The following RNF144A variants were observed in gnomAD, a reference collection of about 807,000 sequenced individuals.
The protein encoded by RNF144A is ring finger protein 144A, also known as E3 ubiquitin-protein ligase RNF144A.
A neutral mutation model predicts 38.7 loss-of-function variants in RNF144A; 11 were observed. The ratio of observed to expected loss-of-function variants is 0.28; its 90% CI spans 0.18 to 0.47. RNF144A has a LOEUF of 0.47. RNF144A is among the 20% of genes least tolerant of loss of function. RNF144A has a pLI of 0.99. For synonymous variants in RNF144A, 149 were observed against 143.9 expected, an observed-to-expected ratio of 1.04 and a Z score of -0.25; for missense variants, 316 against 377.2, an observed-to-expected ratio of 0.84 and a Z score of 1.34.
At chr2:6,925,045 G>A (rs987346556) in intron 1 of RNF144A, among the ~76,000 whole-genome samples, 1 of 152,218 alleles carries the variant, frequency 6.6e-6, no homozygotes, top group African/African-American at 2.4e-5. Context: ...ATTGCCACAC[G>A]GCGAATTTTG....
At chr2:6,964,874 C>T (rs1667556081) in intron 2 of RNF144A, among the ~76,000 whole-genome samples, 1 of 151,896 alleles carries the variant, frequency 6.6e-6, no homozygotes, top group East Asian at 1.9e-4. Context: ...TGCTAAATGA[C>T]GAGTTAATGG....
intron 3 of RNF144A, among the ~76,000 whole-genome samples, chr2:7,011,990 G>A (rs1670848594): frequency 6.6e-6 from 1 of 152,164 alleles, no homozygotes; most frequent in African/African-American, 2.4e-5. Flanking sequence ...ACTACTTGTT[G>A]CATATGGGTG....
chr2:7,075,980 C>A, the RNF144A span, among the ~76,000 whole-genome samples: 1 of 152,196 alleles, frequency 6.6e-6, no homozygotes, highest in Non-Finnish European at 1.5e-5. Flanking sequence ...ATCTCTGCTC[C>A]TTATTGTGTA....
At chr2:6,995,125 C>T (rs1268510021) in intron 2 of RNF144A, among the ~76,000 whole-genome samples, 1 of 152,128 alleles carries the variant, frequency 6.6e-6, no homozygotes, top group Non-Finnish European at 1.5e-5. Context: ...GTGGAATTCA[C>T]CAGGTGGGTT....
At chr2:6,948,092 A>C (rs1666455724) in intron 2 of RNF144A, among the ~76,000 whole-genome samples, 2 of 152,220 alleles carry the variant, frequency 1.3e-5, no homozygotes, top group South Asian at 4.1e-4. Flanking sequence ...GCACGGTGGA[A>C]ACTCAGCAGA....
chr2:6,993,446 C>G (rs1413339179), intron 2 of RNF144A, among the ~76,000 whole-genome samples: 1 of 152,114 alleles, frequency 6.6e-6, no homozygotes, highest in African/African-American at 2.4e-5. Context: ...AGGCAGTAAA[C>G]AGGAAAAGGA....
intron 2 of RNF144A, among the ~76,000 whole-genome samples, chr2:6,972,341 A>G (rs1028065171): frequency 6.6e-6 from 1 of 152,232 alleles, no homozygotes; most frequent in African/African-American, 2.4e-5. Context: ...CTTTCCTCCT[A>G]GCTACAAAAG....
chr2:7,044,302 G>A (rs1263669339), downstream of RNF144A: 6 of 610,312 alleles, frequency 9.8e-6, no homozygotes, highest in South Asian at 4.4e-4. Flanking sequence ...TGTGGGAACT[G>A]GGGGTGGAGG....
intron 6 of RNF144A, among the ~76,000 whole-genome samples, chr2:7,067,735 T>G (rs1011843243): frequency 6.6e-6 from 1 of 152,212 alleles, no homozygotes; most frequent in East Asian, 1.9e-4. Context: ...ACTCCTTGCT[T>G]GGCCAAACTG....
At chr2:7,020,338 G>A (rs982254120) in intron 5 of RNF144A, 135 bp from the exon 6 acceptor site, 5 of 727,646 alleles carry the variant, frequency 6.9e-6, no homozygotes, top group Admixed American at 2.3e-5. Context: ...GCGGTGCTTC[G>A]GTTGGGGCTG....
At chr2:6,956,323 G>A (rs1666996323) in intron 2 of RNF144A, among the ~76,000 whole-genome samples, 1 of 152,090 alleles carries the variant, frequency 6.6e-6, no homozygotes, top group African/African-American at 2.4e-5. Context: ...ACCTTCGTCT[G>A]TACCCATGGC....
chr2:7,030,485 GACTTCAGATC>G (rs1672225156), intron 8 of RNF144A, among the ~76,000 whole-genome samples: 1 of 152,112 alleles, frequency 6.6e-6, no homozygotes, highest in Admixed American at 6.5e-5. Context: ...TTCAGCATCA[GACTTCAGATC>G]ACTTGCACGG....
chr2:6,939,747 GA>G (rs1015736708), intron 1 of RNF144A, among the ~76,000 whole-genome samples: 7 of 151,772 alleles, frequency 4.6e-5, no homozygotes, highest in African/African-American at 1.7e-4. Flanking sequence ...TAATTTTTGT[GA>G]AAGGTTTAAG....
chr2:7,020,137 T>C (rs1396663439), intron 5 of RNF144A, among the ~76,000 whole-genome samples: 2 of 152,172 alleles, frequency 1.3e-5, no homozygotes, highest in Admixed American at 6.5e-5. Flanking sequence ...TGGGCCAAGC[T>C]TTCCAGGATG....
chr2:7,013,582 C>T (rs1270796670), intron 3 of RNF144A, among the ~76,000 whole-genome samples: 3 of 152,094 alleles, frequency 2.0e-5, no homozygotes, highest in Admixed American at 2.0e-4. Context: ...TTTCTATGCT[C>T]TTTGAGTTCT....
intron 1 of RNF144A, among the ~76,000 whole-genome samples, chr2:6,926,752 G>T (rs1437866655): frequency 6.6e-6 from 1 of 152,184 alleles, no homozygotes; most frequent in African/African-American, 2.4e-5. Context: ...TCCAGAAACA[G>T]CCACATTCAT....
chr2:6,969,251 C>T (rs1300015526), intron 2 of RNF144A, among the ~76,000 whole-genome samples: 9 of 152,136 alleles, frequency 5.9e-5, no homozygotes, highest in Non-Finnish European at 1.3e-4. Context: ...CAGAGTGTGA[C>T]CTTATTTGGA....
At chr2:6,954,651 A>G (rs921560538) in intron 2 of RNF144A, among the ~76,000 whole-genome samples, 1 of 152,214 alleles carries the variant, frequency 6.6e-6, no homozygotes, top group Non-Finnish European at 1.5e-5. Flanking sequence ...AGAAGATGGG[A>G]ACTCTCCACT....
At chr2:7,024,826 G>A (rs1671776444) in intron 7 of RNF144A, among the ~76,000 whole-genome samples, 1 of 152,174 alleles carries the variant, frequency 6.6e-6, no homozygotes, top group Non-Finnish European at 1.5e-5. Flanking sequence ...TTGTCAGTTT[G>A]GGCTGCTGTG....
Sources: allele counts gnomAD v4.1 joint callset (sites outside exome capture counted in the v4.1 genomes callset), GRCh38; gene constraint gnomAD v4.1.1; transcripts MANE v1.5; gene names NCBI Gene and HGNC (gene_info 2026-07-23, HGNC 2026-07-21).